Variants in DEPDC1B observed in about 807,000 individuals in gnomAD.
The protein encoded by DEPDC1B is DEP domain containing 1B.
In DEPDC1B, 51 loss-of-function variants were observed where a neutral mutation model predicts 66.5. The observed-to-expected ratio is 0.77, with a 90% CI of 0.61 to 0.97. DEPDC1B has a LOEUF of 0.97. Ranked by LOEUF, DEPDC1B falls within the 50% of genes least tolerant of loss-of-function variation. The pLI is 0.00. For missense variants in DEPDC1B, 552 were observed against 637.1 expected (o/e 0.87, Z 1.44); for synonymous variants, 226 against 223.6 (o/e 1.01, Z -0.10).
intron 7 of DEPDC1B, among the ~76,000 whole-genome samples, chr5:60,622,002 C>CA (rs1333318933): frequency 1.3e-5 from 2 of 150,164 alleles, no homozygotes; most frequent in African/African-American, 2.5e-5. Context: ...CCCTTGTCTG[C>CA]AAAAAATAAA....
At chr5:60,699,367 A>G (rs906914376) in intron 1 of DEPDC1B, among the ~76,000 whole-genome samples, 5 of 151,242 alleles carry the variant, frequency 3.3e-5, no homozygotes, top group Admixed American at 2.6e-4. Flanking sequence ...TGCCACAGAC[A>G]TTACCAAACT....
At chr5:60,636,299 T>C in intron 7 of DEPDC1B, among the ~76,000 whole-genome samples, 1 of 152,234 alleles carries the variant, frequency 6.6e-6, no homozygotes, top group Admixed American at 6.5e-5. Flanking sequence ...AAGTCTTTTT[T>C]AAAGAATCTT....
rs1753348040 is a variant in DEPDC1B at position 60,647,512 on chromosome 5, CA to C, written c.335del (p.Leu112ArgfsTer34). On this transcript the variant is annotated frameshift_variant, in exon 3 of 11. Transcript: ENST00000265036. LOFTEE classifies it high-confidence loss of function. ...TTGGGGGCTTCTTTGGATATGGTTTCAGGGGTGAAGAAGGAGGAAATCTAAA... is the reference window on the plus strand; with the variant it reads ...TTGGGGGCTTCTTTGGATATGGTTTCGGGGTGAAGAAGGAGGAAATCTAAA... ...HLYRFPPSSP[L>X]KPYPKKPPNQ... is the part of the protein sequence containing the mutation. 6.2e-7 allele frequency: 1 copy of C among 1,612,004 alleles called. No individual in the cohort carries two copies. The highest frequency in any genetic ancestry group is 8.5e-7 in the Non-Finnish European group (1 of 1,179,410).
intron 7 of DEPDC1B, among the ~76,000 whole-genome samples, chr5:60,610,480 T>G (rs1380804077): frequency 6.6e-6 from 1 of 152,154 alleles, no homozygotes; most frequent in African/African-American, 2.4e-5. Flanking sequence ...AGAAATATAT[T>G]GTGCACTAAT....
At chr5:60,688,725 A>G (rs917458720) in intron 1 of DEPDC1B, among the ~76,000 whole-genome samples, 1 of 152,194 alleles carries the variant, frequency 6.6e-6, no homozygotes, top group Non-Finnish European at 1.5e-5. Context: ...GCTTTGGTGC[A>G]GTTAACACTT....
chr5:60,629,008 C>T (rs1448367265), intron 7 of DEPDC1B, among the ~76,000 whole-genome samples: 1 of 152,104 alleles, frequency 6.6e-6, no homozygotes, highest in Non-Finnish European at 1.5e-5. Context: ...CCTCAGGACC[C>T]GACTGAGGGG....
rs533276121 is a variant in DEPDC1B, at chr5:60,620,617, G to A, written c.899-14761C>T. On this transcript the variant is annotated intron_variant, in intron 7 of 10. Coordinates refer to ENST00000265036, the MANE Select transcript of DEPDC1B (RefSeq NM_018369.3). Reference sequence around the variant, plus strand: ...ACCATCTCACACCAGTTAGAATGGCGATCATTAAAAAGTCAGGAAACAACA... The same window carrying A: ...ACCATCTCACACCAGTTAGAATGGCAATCATTAAAAAGTCAGGAAACAACA... Among the ~76,000 whole-genome samples, 343 of 152,158 alleles carry A rather than the reference G, an allele frequency of 2.3e-3. 2 individuals are homozygous for A. The highest frequency in any genetic ancestry group is 7.9e-3 in the African/African-American group (329 of 41,534).
Position 60,605,717 on chromosome 5 carries a change from C to T in DEPDC1B, c.1038G>A (p.Leu346=), listed in dbSNP as rs748295100. ...RICLNKEMPP[L]CDGFGTRTLM... Reference sequence around the variant, plus strand: ...GTGTTCGGGTACCAAAGCCATCACACAGGGGTGGCATCTCTTTGTTTAAGC... The same window carrying T: ...GTGTTCGGGTACCAAAGCCATCACATAGGGGTGGCATCTCTTTGTTTAAGC... Residue 346 remains leucine (L), a synonymous_variant, in exon 8 of 11, where the codon CTG becomes CTA. Transcript: ENST00000265036. The T allele has an allele frequency of 1.2e-6, 2 of 1,612,098 alleles. No homozygotes were observed. The highest frequency in any genetic ancestry group is 1.1e-5 in the South Asian group (1 of 90,520).
Position 60,696,423 on chromosome 5 carries a change from T to C in DEPDC1B, c.48+3623A>G, listed in dbSNP as rs547886356. On this transcript the variant is annotated intron_variant, in intron 1 of 10. Transcript: ENST00000265036. ...TATTTCCTTAATATATGAAATACTT[T>C]AGATTTTTTAAAGCCTACTGAGGTC... Among the ~76,000 whole-genome samples, 66 of 152,356 alleles carry C rather than the reference T, an allele frequency of 4.3e-4. 1 individual carries two copies. Among genetic ancestry groups the C allele is most frequent in the Admixed American group, 4.2e-3 (64 of 15,298 alleles).
intron 9 of DEPDC1B, among the ~76,000 whole-genome samples, chr5:60,601,935 A>G (rs922684378): frequency 6.6e-6 from 1 of 152,206 alleles, no homozygotes; most frequent in African/African-American, 2.4e-5. Flanking sequence ...GTTGGGACAG[A>G]TGTTGAAGCA....
chr5:60,680,022 G>A (rs966426392), intron 2 of DEPDC1B, among the ~76,000 whole-genome samples: 16 of 152,228 alleles, frequency 1.1e-4, no homozygotes, highest in African/African-American at 2.4e-4. Context: ...TAGAATTGTC[G>A]TAAAGATCAG....
chr5:60,670,241 G>A (rs144044628), intron 2 of DEPDC1B, among the ~76,000 whole-genome samples: 3,124 of 152,158 alleles, frequency 0.021, 103 homozygotes, highest in African/African-American at 0.071. Flanking sequence ...AAAATTAGCC[G>A]GGCGTGGTGG....
intron 7 of DEPDC1B, among the ~76,000 whole-genome samples, chr5:60,606,151 C>T (rs1359114870): frequency 2.6e-5 from 4 of 152,156 alleles, no homozygotes; most frequent in Non-Finnish European, 5.9e-5. Flanking sequence ...CAGGAGCAGC[C>T]AGGCTAACAC....
rs1279510691 is a variant in DEPDC1B at position 60,654,858 on chromosome 5, T to G, written c.315-7325A>C. ...TAAAGTGATGCTGGATTTTGTCAAATGCTCTTTCTGTGTCTATTGGGATGA... is the reference window on the plus strand; with the variant it reads ...TAAAGTGATGCTGGATTTTGTCAAAGGCTCTTTCTGTGTCTATTGGGATGA... On this transcript the variant is annotated intron_variant, in intron 2 of 10. Coordinates refer to ENST00000265036, the MANE Select transcript of DEPDC1B (RefSeq NM_018369.3). 2.7e-5 allele frequency among the ~76,000 whole-genome samples: 4 copies of G among 149,034 alleles called. 1 individual carries two copies. The highest frequency in any genetic ancestry group is 1.0e-4 in the African/African-American group (4 of 39,510).
chr5:60,649,001 C>T (rs905222165), intron 2 of DEPDC1B, among the ~76,000 whole-genome samples: 2 of 152,052 alleles, frequency 1.3e-5, no homozygotes, highest in East Asian at 1.9e-4. Flanking sequence ...ATGTAATTGC[C>T]GGAGTTCACA....
chr5:60,650,543 T>C (rs1753425764), intron 2 of DEPDC1B, among the ~76,000 whole-genome samples: 1 of 152,166 alleles, frequency 6.6e-6, no homozygotes, highest in African/African-American at 2.4e-5. Flanking sequence ...TTGCCAAATG[T>C]CTTCCGCAAA....
chr5:60,605,742 C>T lies in DEPDC1B; in HGVS notation c.1013G>A (p.Cys338Tyr). ...CAGGGGTGGCATCTCTTTGTTTAAGCAAATCCTTGCCATCATCCTCATCAA... is the reference window on the plus strand; with the variant it reads ...CAGGGGTGGCATCTCTTTGTTTAAGTAAATCCTTGCCATCATCCTCATCAA... ...QLLMRMMARI[C>Y]LNKEMPPLCD... The change falls in exon 8 of 11, where the codon TGC becomes TAC. Residue 338 changes from cysteine (C) to tyrosine (Y), a missense_variant. Transcript: ENST00000265036. 6.2e-7 allele frequency: 1 copy of T among 1,613,116 alleles called. No homozygotes were observed. Among genetic ancestry groups the T allele is most frequent in the Non-Finnish European group, 8.5e-7 (1 of 1,179,494 alleles).
chr5:60,644,397 G>A (rs1467471858), intron 5 of DEPDC1B, among the ~76,000 whole-genome samples: 1 of 152,140 alleles, frequency 6.6e-6, no homozygotes, highest in Non-Finnish European at 1.5e-5. Flanking sequence ...AATTCTAAAT[G>A]CAGTCAGACC....
chr5:60,615,887 C>A (rs930106488), intron 7 of DEPDC1B, among the ~76,000 whole-genome samples: 1 of 152,192 alleles, frequency 6.6e-6, no homozygotes. Context: ...CTGGGAGGCA[C>A]CCCGCAGTAG....
Sources: allele counts gnomAD v4.1 joint callset (sites outside exome capture counted in the v4.1 genomes callset), GRCh38; gene constraint gnomAD v4.1.1; transcripts MANE v1.5; gene names NCBI Gene and HGNC (gene_info 2026-07-23, HGNC 2026-07-21).